SPATA7: variants seen among roughly 807,000 people sequenced by gnomAD.
SPATA7 encodes spermatogenesis associated 7, also known as spermatogenesis-associated protein 7.
Under a neutral mutation model 51.8 loss-of-function variants are expected in SPATA7, and 43 were observed. The ratio of observed to expected loss-of-function variants is 0.83; its 90% CI spans 0.65 to 1.07. SPATA7 has a LOEUF of 1.07. Ranked by LOEUF, SPATA7 falls within the 50% of genes least tolerant of loss-of-function variation. SPATA7 has a pLI of 0.00. For synonymous variants in SPATA7, 230 were observed against 252.8 expected (o/e 0.91, Z 0.86); for missense variants, 683 against 701.3 (o/e 0.97, Z 0.30).
intron 4 of SPATA7, among the ~76,000 whole-genome samples, chr14:88,411,193 A>G (rs1321124005): frequency 1.3e-5 from 2 of 152,112 alleles, no homozygotes; most frequent in Non-Finnish European, 1.5e-5. Context: ...CACCTACTCA[A>G]GCCTCAATAA....
intron 5 of SPATA7, among the ~76,000 whole-genome samples, chr14:88,417,276 A>G (rs1436603059): frequency 6.9e-6 from 1 of 145,982 alleles, no homozygotes; most frequent in African/African-American, 2.5e-5. Context: ...TGATATTATG[A>G]TATAATTTTT....
chr14:88,393,548 A>C, intron 3 of SPATA7, 60 bp downstream of exon 3: 49 of 1,185,204 alleles, frequency 4.1e-5, no homozygotes, highest in Middle Eastern at 2.0e-4. Flanking sequence ...TTCACTTCTC[A>C]TTAAAATATA....
At chr14:88,396,797 A>G (rs1054332720) in intron 4 of SPATA7, among the ~76,000 whole-genome samples, 1 of 152,178 alleles carries the variant, frequency 6.6e-6, no homozygotes, top group Admixed American at 6.5e-5. Context: ...TATATTTAGA[A>G]GTGGAATTGC....
chr14:88,414,062 C>T (rs1477024362), intron 4 of SPATA7, among the ~76,000 whole-genome samples: 2 of 151,960 alleles, frequency 1.3e-5, no homozygotes, highest in Non-Finnish European at 2.9e-5. Context: ...ATGCTGGTTT[C>T]ATAGATTGGG....
rs1035753356 is a variant in SPATA7, at chr14:88,424,207, A to T, written c.373-2025A>T. Among the ~76,000 whole-genome samples the T allele has an allele frequency of 2.0e-5, 3 of 152,196 alleles. No homozygotes were observed. The East Asian group carries it at 5.8e-4, about 29-fold the overall frequency. On this transcript the variant is annotated intron_variant, in intron 5 of 11. Transcript: ENST00000393545. ...TTTTGGGATTCTACCAGTGTGTTAC[A>T]TATATTCTGCACAAATATCTTTATC...
In SPATA7 at chr14:88,393,470, A is replaced by G; in HGVS notation, c.172A>G (p.Lys58Glu). 1.2e-6 allele frequency: 2 copies of G among 1,600,610 alleles called. No homozygotes were observed. Among genetic ancestry groups the G allele is most frequent in the Non-Finnish European group, 1.7e-6 (2 of 1,172,176 alleles). ...GAATCACATGGCTGTTCACTATAATAAAATCCTTTCAGCCAAAGGTAAAAA... is the reference window on the plus strand; with the variant it reads ...GAATCACATGGCTGTTCACTATAATGAAATCCTTTCAGCCAAAGGTAAAAA... ...VKNHMAVHYN[K>E]ILSAKAAVDC... The change falls in exon 3 of 12, where the codon AAA (lysine) becomes GAA (glutamate). Residue 58 changes from lysine (K) to glutamate (E), a missense_variant. Lys to Glu is a moderately conservative substitution (Grantham distance 56). Transcript: ENST00000393545.
At chr14:88,400,679 C>T (rs10149654) in intron 4 of SPATA7, among the ~76,000 whole-genome samples, 15,697 of 151,768 alleles carry the variant, frequency 0.1, 1,038 homozygotes, top group African/African-American at 0.18. Flanking sequence ...CTAAAAAATA[C>T]AAAAAATTAG....
intron 4 of SPATA7, among the ~76,000 whole-genome samples, chr14:88,412,252 A>T (rs2076361939): frequency 6.9e-6 from 1 of 145,326 alleles, no homozygotes; most frequent in Non-Finnish European, 1.5e-5. Context: ...TTCCTCATAG[A>T]TTCTTGTATT....
At chr14:88,395,494 T>C (rs955422385) in intron 3 of SPATA7, among the ~76,000 whole-genome samples, 1 of 136,828 alleles carries the variant, frequency 7.3e-6, no homozygotes, top group Non-Finnish European at 1.7e-5. Context: ...CTTAGGTCAC[T>C]CAGAATTTCT....
chr14:88,469,888 C>G lies in SPATA7; in HGVS notation c.*21C>G. 3.1e-6 allele frequency: 5 copies of G among 1,612,978 alleles called. No homozygotes were observed. The highest frequency in any genetic ancestry group is 4.2e-6 in the Non-Finnish European group (5 of 1,179,206). On this transcript the variant is annotated 3_prime_UTR_variant, in exon 5 of 5. Transcript: ENST00000556406. The surrounding 1 kb of genome is among the most constrained non-coding windows in gnomAD (Gnocchi z 4.3). ...ATTAACATTAACTGTTCTTCAGAGGCTGAGAAAATCACTTAAGAGAAATAA... is the reference window on the plus strand; with the variant it reads ...ATTAACATTAACTGTTCTTCAGAGGGTGAGAAAATCACTTAAGAGAAATAA...
intron 8 of SPATA7, 94 bp downstream of exon 8, chr14:88,429,557 T>TG (rs2076886206): frequency 1.3e-6 from 1 of 756,896 alleles, no homozygotes; most frequent in African/African-American, 1.7e-5. Flanking sequence ...ACTATTTAAT[T>TG]GCATGCTCCA....
chr14:88,446,994 T>C (rs2140043518), intron 3 of SPATA7, among the ~76,000 whole-genome samples: 1 of 152,336 alleles, frequency 6.6e-6, no homozygotes, highest in South Asian at 2.1e-4. Flanking sequence ...TAGATGTCTA[T>C]TATGTCTGCT....
intron 3 of SPATA7, among the ~76,000 whole-genome samples, chr14:88,453,789 C>T (rs1057052197): frequency 1.3e-5 from 2 of 152,166 alleles, no homozygotes; most frequent in Non-Finnish European, 2.9e-5. Context: ...AGATGCCACC[C>T]TGAGTTACTT....
chr14:88,395,690 T>C (rs976641458), intron 3 of SPATA7, among the ~76,000 whole-genome samples: 1 of 152,148 alleles, frequency 6.6e-6, no homozygotes, highest in Non-Finnish European at 1.5e-5. Flanking sequence ...CTTTTCTCTA[T>C]TTAATTGTCC....
At chr14:88,432,356 CTTA>C (rs1160521970) in intron 9 of SPATA7, among the ~76,000 whole-genome samples, 2 of 152,008 alleles carry the variant, frequency 1.3e-5, no homozygotes, top group Non-Finnish European at 2.9e-5. Context: ...ATTTGATTTG[CTTA>C]TTAACTCTTC....
In SPATA7 at chr14:88,469,619, A is replaced by T. The variant is rs1349780550; in HGVS notation, c.255-228A>T. On this transcript the variant is annotated intron_variant, in intron 4 of 4. Transcript: ENST00000556406. The surrounding 1 kb of genome is among the most constrained non-coding windows in gnomAD (Gnocchi z 4.3). ...TTCATCTTCAGGCCTGTGGTGGCAT[A>T]GCAGCCAGAGTCTGTGCGGAACCGG... 1.2e-6 allele frequency: 2 copies of T among 1,614,050 alleles called. No homozygotes were observed. Among genetic ancestry groups the T allele is most frequent in the Non-Finnish European group, 1.7e-6 (2 of 1,180,024 alleles).
At chr14:88,462,820 C>T (rs1050575545) in intron 4 of SPATA7, among the ~76,000 whole-genome samples, 15 of 151,766 alleles carry the variant, frequency 9.9e-5, no homozygotes, top group South Asian at 4.1e-4. Context: ...TGGAACAGTA[C>T]GCAAGCCATA....
downstream of SPATA7, among the ~76,000 whole-genome samples, chr14:88,441,072 A>G (rs145251712): frequency 2.0e-5 from 3 of 152,240 alleles, no homozygotes; most frequent in Admixed American, 6.5e-5. Context: ...GTGAGAACAT[A>G]CAATGTTTGG....
intron 3 of SPATA7, among the ~76,000 whole-genome samples, chr14:88,444,541 A>G (rs1417880647): frequency 6.6e-6 from 1 of 151,462 alleles, no homozygotes; most frequent in African/African-American, 2.4e-5. Context: ...TTGGTGTTTT[A>G]GACATGAAGT....
Sources: gnomAD v4.1 joint callset for allele counts (sites outside exome capture counted in the v4.1 genomes callset) on GRCh38, gnomAD v4.1.1 for gene constraint, Gnocchi (gnomAD v3.1) non-coding constraint, MANE v1.5 for transcripts, NCBI Gene and HGNC (gene_info 2026-07-23, HGNC 2026-07-21) for gene names.